The following SNX25 variants were observed in gnomAD, a reference collection of about 807,000 sequenced individuals.
SNX25 encodes sorting nexin-25.
SNX25 carries 62 observed loss-of-function variants against 113.7 expected under a neutral mutation model. The observed-to-expected ratio is 0.55, with a 90% confidence interval of 0.44 to 0.67. The LOEUF (loss-of-function observed/expected upper bound fraction) is 0.67, where lower values mean the gene tolerates loss of function less well. SNX25 is among the 30% of genes least tolerant of loss of function. The pLI, the probability that SNX25 is intolerant of heterozygous loss-of-function variation, is 0.00. For missense variants in SNX25, 1,014 were observed against 1,161.0 expected, an observed-to-expected ratio of 0.87 and a Z score of 1.84; for synonymous variants, 421 against 436.2, an observed-to-expected ratio of 0.97 and a Z score of 0.43.
chr4:185,315,242 G>GAA (rs2095063494), intron 7 of SNX25, among the ~76,000 whole-genome samples: 1 of 144,936 alleles, frequency 6.9e-6, no homozygotes. Flanking sequence ...AAAAAGAAAA[G>GAA]AAAAGAAAAC....
intron 6 of SNX25, 143 bp downstream of exon 6, chr4:185,288,225 T>A: frequency 3.3e-6 from 2 of 605,074 alleles, no homozygotes; most frequent in African/African-American, 1.9e-5. Flanking sequence ...ACAATACTAT[T>A]ACAGTATTAG....
At chr4:185,267,219 TAAA>T (rs57930723) in intron 5 of SNX25, 64 bp downstream of exon 5, 1,994 of 1,296,226 alleles carry the variant, frequency 1.5e-3, no homozygotes, top group Admixed American at 2.0e-3. Flanking sequence ...CTAGTTAGGT[TAAA>T]AAAAAAAAAA....
At chr4:185,373,984 G>T, downstream of SNX25, 1 of 654,228 alleles carries the variant, frequency 1.5e-6, no homozygotes, top group Non-Finnish European at 2.6e-6. Context: ...AAATAAAAGG[G>T]CTTTGAGATC....
At chr4:185,378,342 A>C in the SNX25 span, 4 of 1,432,198 alleles carry the variant, frequency 2.8e-6, no homozygotes, top group African/African-American at 2.9e-5. Flanking sequence ...CCAACCACCA[A>C]CTCCAGGACG....
chr4:185,357,825 T>G, intron 16 of SNX25, 88 bp downstream of exon 16: 1 of 1,099,222 alleles, frequency 9.1e-7, no homozygotes, highest in Non-Finnish European at 1.4e-6. Flanking sequence ...AGCCAGTCAT[T>G]TAACTGAAAG....
intron 7 of SNX25, among the ~76,000 whole-genome samples, chr4:185,315,288 G>A (rs1425437075): frequency 1.6e-5 from 2 of 126,588 alleles, no homozygotes; most frequent in Non-Finnish European, 3.2e-5. Flanking sequence ...TCATTTCACT[G>A]GTGATTTTTT....
chr4:185,332,723 A>C lies in SNX25; in HGVS notation c.1878A>C (p.Leu626=). 4 of 1,613,988 alleles carry C rather than the reference A, an allele frequency of 2.5e-6. No homozygotes were observed. The highest frequency in any genetic ancestry group is 3.4e-6 in the Non-Finnish European group (4 of 1,179,960). Residue 626 remains leucine (L), a synonymous_variant, in exon 10 of 19, where the codon CTA becomes CTC. Coordinates refer to ENST00000652585, the MANE Select transcript of SNX25 (RefSeq NM_001378034.2). The part of the protein sequence containing the change: ...NEKLEYKRQA[L]NSIQNAPKPD... ...AACTTGAATATAAAAGGCAAGCTCT[A>C]AATTCTATTCAAAATGCACCAAAAC... is the stretch of plus-strand genomic sequence containing the variant.
At chr4:185,302,918 G>A (rs902838257) in intron 6 of SNX25, among the ~76,000 whole-genome samples, 4 of 152,178 alleles carry the variant, frequency 2.6e-5, no homozygotes, top group Non-Finnish European at 5.9e-5. Flanking sequence ...CTGCCTGAAG[G>A]TCTGTGGGCT....
chr4:185,351,849 G>T, intron 14 of SNX25, among the ~76,000 whole-genome samples: 1 of 151,980 alleles, frequency 6.6e-6, no homozygotes, highest in Non-Finnish European at 1.5e-5. Context: ...CAGGAGCCCC[G>T]CTACACACGG....
chr4:185,339,254 A>T, intron 10 of SNX25, 125 bp from the exon 11 acceptor site: 2 of 785,434 alleles, frequency 2.5e-6, no homozygotes. Flanking sequence ...TTGTTTTTGG[A>T]TTATTCACTG....
chr4:185,283,476 A>G (rs1337318102), intron 5 of SNX25, among the ~76,000 whole-genome samples: 1 of 152,224 alleles, frequency 6.6e-6, no homozygotes, highest in African/African-American at 2.4e-5. Context: ...TGTTCATGGT[A>G]TCACGTATGG....
chr4:185,268,497 A>G (rs1748459127), intron 5 of SNX25, among the ~76,000 whole-genome samples: 1 of 152,002 alleles, frequency 6.6e-6, no homozygotes, highest in South Asian at 2.1e-4. Flanking sequence ...CTGTTTCTCT[A>G]CCCTTCTTTT....
chr4:185,302,748 TG>T (rs1256895098), intron 6 of SNX25, among the ~76,000 whole-genome samples: 1 of 152,168 alleles, frequency 6.6e-6, no homozygotes, highest in Non-Finnish European at 1.5e-5. Flanking sequence ...ATGCAGTCTG[TG>T]GTGTTCTGTT....
Position 185,210,337 on chromosome 4 carries a change from G to A in SNX25, c.429+82G>A. The A allele has an allele frequency of 4.1e-6, 4 of 982,760 alleles. No homozygotes were observed. Among genetic ancestry groups the A allele is most frequent in the Non-Finnish European group, 4.8e-6 (4 of 828,602 alleles). The allele number at this position is 982,760 out of a possible 1,614,324, so 60.9% of individuals were successfully genotyped here. A position where few individuals can be genotyped will look rare whatever the true frequency, so the allele number is the denominator to read the frequency against. On this transcript the variant is annotated intron_variant, in intron 1 of 18. Transcript: ENST00000652585. This position sits in a 1 kb window ranked among gnomAD's most constrained non-coding sequence, Gnocchi z 4.4. Reference sequence around the variant, plus strand: ...AGCTCCCGCGCCCCGAGCTCCGGGGGGCCGCGGCATGCCCTTGTCGAAGCG... The same window carrying A: ...AGCTCCCGCGCCCCGAGCTCCGGGGAGCCGCGGCATGCCCTTGTCGAAGCG...
chr4:185,213,087 T>C (rs925929940), intron 1 of SNX25, among the ~76,000 whole-genome samples: 2 of 152,254 alleles, frequency 1.3e-5, no homozygotes, highest in Non-Finnish European at 1.5e-5. Flanking sequence ...CAAATGCTTC[T>C]GAATACTTCA....
chr4:185,243,203 T>C (rs1028355642), intron 1 of SNX25, among the ~76,000 whole-genome samples: 1 of 152,236 alleles, frequency 6.6e-6, no homozygotes, highest in African/African-American at 2.4e-5. Flanking sequence ...AAAATACTTA[T>C]AAAATTTGCT....
At chr4:185,222,502 C>T (rs1046732706) in intron 1 of SNX25, among the ~76,000 whole-genome samples, 3 of 152,018 alleles carry the variant, frequency 2.0e-5, no homozygotes, top group African/African-American at 4.8e-5. Flanking sequence ...TTTACAGCGC[C>T]GTATACCCCT....
At chr4:185,362,837 CTTT>C (rs35348535) in intron 18 of SNX25, 126 bp downstream of exon 18, 5,436 of 246,436 alleles carry the variant, frequency 0.022, no homozygotes, top group South Asian at 0.031. Flanking sequence ...TCTCCCTTGA[CTTT>C]TTTTTTTTTT....
rs1464544453 is a variant in SNX25, at chr4:185,323,596, G to A, written c.1545G>A (p.Val515=). The A allele has an allele frequency of 3.7e-6, 6 of 1,612,918 alleles. No homozygotes were observed. The African/African-American group carries it at 4.0e-5, about 11-fold the overall frequency. Residue 515 remains valine (V), a synonymous_variant, in exon 9 of 19, where the codon GTG becomes GTA. Coordinates refer to ENST00000652585, the MANE Select transcript of SNX25 (RefSeq NM_001378034.2). ...NFFVESKEIS[V]EKSLYKEIQQ... ...TTGTGGAGAGCAAAGAAATATCTGTGGAAAAATCACTTTACAAAGAAATTC... is the reference window on the plus strand; with the variant it reads ...TTGTGGAGAGCAAAGAAATATCTGTAGAAAAATCACTTTACAAAGAAATTC...
Sources: gnomAD v4.1 joint callset for allele counts (sites outside exome capture counted in the v4.1 genomes callset) on GRCh38, gnomAD v4.1.1 for gene constraint, Gnocchi (gnomAD v3.1) non-coding constraint, MANE v1.5 for transcripts, NCBI Gene and HGNC (gene_info 2026-07-23, HGNC 2026-07-21) for gene names.